EBF1: variants seen among roughly 807,000 people sequenced by gnomAD.
The protein encoded by EBF1 is transcription factor COE1.
Under a neutral mutation model 68.4 loss-of-function variants are expected in EBF1, and 10 were observed. The observed-to-expected ratio is 0.15, with a 90% CI of 0.09 to 0.25. The LOEUF (loss-of-function observed/expected upper bound fraction) is 0.25, where lower values mean the gene tolerates loss of function less well. Ranked by LOEUF, EBF1 falls within the 10% of genes least tolerant of loss-of-function variation. EBF1 has a pLI of 1.00. For synonymous variants in EBF1, 298 were observed against 299.8 expected, an observed-to-expected ratio of 0.99 and a Z score of 0.06; for missense variants, 509 against 794.4, an observed-to-expected ratio of 0.64 and a Z score of 4.32.
chr5:158,935,378 C>A (rs1811779785), intron 6 of EBF1, among the ~76,000 whole-genome samples: 1 of 152,210 alleles, frequency 6.6e-6, no homozygotes, highest in South Asian at 2.1e-4. Context: ...CACAGCCACC[C>A]CGCTTGCCCA....
intron 6 of EBF1, among the ~76,000 whole-genome samples, chr5:158,967,062 TA>T (rs939930587): frequency 2.0e-5 from 3 of 149,906 alleles, no homozygotes; most frequent in Non-Finnish European, 4.4e-5. Context: ...TCTACACAGA[TA>T]AAAAAACCTT....
chr5:158,953,291 C>A (rs1213691511), intron 6 of EBF1, among the ~76,000 whole-genome samples: 1 of 152,174 alleles, frequency 6.6e-6, no homozygotes, highest in African/African-American at 2.4e-5. Context: ...GTTGTAATTG[C>A]TCCTTTCTTC....
intron 6 of EBF1, among the ~76,000 whole-genome samples, chr5:159,019,818 G>A (rs1308937039): frequency 1.3e-5 from 2 of 151,834 alleles, no homozygotes; most frequent in African/African-American, 2.4e-5. Context: ...TTCTCTTACT[G>A]CTCCGATTGT....
At chr5:158,737,106 G>A (rs553520510) in intron 10 of EBF1, among the ~76,000 whole-genome samples, 4 of 152,124 alleles carry the variant, frequency 2.6e-5, no homozygotes, top group Admixed American at 2.6e-4. Flanking sequence ...CTGCCTCGGA[G>A]AGAGCGAGGC....
chr5:158,887,142 C>A (rs182250124), intron 6 of EBF1, among the ~76,000 whole-genome samples: 16 of 152,288 alleles, frequency 1.1e-4, no homozygotes, highest in African/African-American at 3.8e-4. Context: ...CTTAACATTT[C>A]TTTTCAATGA....
Position 159,083,471 on chromosome 5 carries a change from G to A in EBF1, c.485+1195C>T, listed in dbSNP as rs185806358. On this transcript the variant is annotated intron_variant, in intron 5 of 15. Transcript: ENST00000313708. ...AACAAGTTTTACAAATCACTGAAAT[G>A]AAAACTTGTGAAACTCCTATATATT... 7.9e-5 allele frequency among the ~76,000 whole-genome samples: 12 copies of A among 152,250 alleles called. No homozygotes were observed. The East Asian group carries it at 1.5e-3, about 20-fold the overall frequency.
At chr5:159,068,804 G>GA (rs1777309295) in intron 6 of EBF1, among the ~76,000 whole-genome samples, 1 of 151,996 alleles carries the variant, frequency 6.6e-6, no homozygotes, top group South Asian at 2.1e-4. Context: ...GACAAATCTG[G>GA]AAAAAAGAAA....
At chr5:158,869,444 C>A (rs1422475569) in intron 6 of EBF1, among the ~76,000 whole-genome samples, 1 of 152,064 alleles carries the variant, frequency 6.6e-6, no homozygotes, top group African/African-American at 2.4e-5. Flanking sequence ...GAGGGAATAC[C>A]CGCCCCCGAC....
At chr5:159,075,914 C>A (rs890251692) in intron 5 of EBF1, among the ~76,000 whole-genome samples, 1 of 152,182 alleles carries the variant, frequency 6.6e-6, no homozygotes, top group African/African-American at 2.4e-5. Flanking sequence ...TGGCGGGCCT[C>A]TCCTCCAACC....
At chr5:159,035,712 A>G (rs1462780888) in intron 6 of EBF1, among the ~76,000 whole-genome samples, 1 of 152,200 alleles carries the variant, frequency 6.6e-6, no homozygotes, top group Non-Finnish European at 1.5e-5. Flanking sequence ...CAGATCCCAA[A>G]TTATTTTATA....
chr5:158,959,219 A>C (rs1420114464), intron 6 of EBF1, among the ~76,000 whole-genome samples: 1 of 152,256 alleles, frequency 6.6e-6, no homozygotes, highest in African/African-American at 2.4e-5. Flanking sequence ...ACACCAAAAA[A>C]AGATGCCAAA....
Position 159,084,666 on chromosome 5 carries a change from C to A in EBF1, c.485G>T (p.Ser162Ile). The A allele has an allele frequency of 6.4e-7, 1 of 1,571,966 alleles. No homozygotes were observed. The highest frequency in any genetic ancestry group is 8.6e-7 in the Non-Finnish European group (1 of 1,156,194). Residue 162 changes from serine (S) to isoleucine (I), a missense_variant and splice_region_variant, in exon 5 of 16, where the codon AGC becomes ATC. Coordinates refer to ENST00000313708, the MANE Select transcript of EBF1 (RefSeq NM_024007.5). ...RVLLTHEIMC[S>I]RCCDKKSCGN... ...CGGGAGAGACCAAGATATTTCTTAC[C>A]TGCACATGATCTCATGTGTGAGCAA...
intron 6 of EBF1, among the ~76,000 whole-genome samples, chr5:158,945,929 G>T (rs1473432570): frequency 1.3e-5 from 2 of 151,868 alleles, no homozygotes; most frequent in Non-Finnish European, 2.9e-5. Context: ...ATTTCATTAA[G>T]TTGATCTTCA....
chr5:158,699,730 GGGA>G (rs1437830164), intron 15 of EBF1, among the ~76,000 whole-genome samples: 2 of 152,208 alleles, frequency 1.3e-5, no homozygotes, highest in Non-Finnish European at 2.9e-5. Flanking sequence ...AAGCATAGCT[GGGA>G]GGAGAAGACA....
intron 9 of EBF1, among the ~76,000 whole-genome samples, chr5:158,786,104 A>G (rs937171404): frequency 1.3e-5 from 2 of 152,190 alleles, no homozygotes; most frequent in Non-Finnish European, 2.9e-5. Flanking sequence ...TACAAAAAGG[A>G]AATAATCAAC....
intron 8 of EBF1, among the ~76,000 whole-genome samples, chr5:158,803,809 G>T (rs1276098583): frequency 6.6e-6 from 1 of 151,470 alleles, no homozygotes; most frequent in Non-Finnish European, 1.5e-5. Flanking sequence ...ATTGCATTAT[G>T]CAGTTAAGCA....
At chr5:158,716,706 C>T (rs1277570702) in intron 11 of EBF1, among the ~76,000 whole-genome samples, 2 of 152,186 alleles carry the variant, frequency 1.3e-5, no homozygotes, top group Non-Finnish European at 2.9e-5. Flanking sequence ...GCTTGGATTT[C>T]GGTGACCAGA....
intron 6 of EBF1, among the ~76,000 whole-genome samples, chr5:159,039,275 T>A (rs17717527): frequency 0.35 from 52,720 of 152,104 alleles, 10,214 homozygotes; most frequent in Non-Finnish European, 0.43. Flanking sequence ...AACCATAAAT[T>A]ATTATTCCCC....
At chr5:158,800,270 A>G (rs536486353) in intron 8 of EBF1, among the ~76,000 whole-genome samples, 1 of 152,296 alleles carries the variant, frequency 6.6e-6, no homozygotes, top group Admixed American at 6.5e-5. Context: ...TTTTTAAATG[A>G]TATATATGAA....
Sources: allele counts gnomAD v4.1 joint callset (sites outside exome capture counted in the v4.1 genomes callset), GRCh38; gene constraint gnomAD v4.1.1; transcripts MANE v1.5; gene names NCBI Gene and HGNC (gene_info 2026-07-23, HGNC 2026-07-21).